The following RPS6KA5 variants were observed in gnomAD, a reference collection of about 807,000 sequenced individuals.
RPS6KA5 encodes the protein ribosomal protein S6 kinase alpha-5.
Under a neutral mutation model 85.5 loss-of-function variants are expected in RPS6KA5, and 27 were observed. The observed-to-expected ratio is 0.32, with a 90% CI of 0.23 to 0.44. The LOEUF (loss-of-function observed/expected upper bound fraction) is 0.44. Ranked by LOEUF, RPS6KA5 falls within the 20% of genes least tolerant of loss-of-function variation. The pLI is 1.00. For synonymous variants in RPS6KA5, 334 were observed against 348.2 expected (o/e 0.96, Z 0.46); for missense variants, 811 against 980.9 (o/e 0.83, Z 2.31).
At chr14:90,955,999 C>T (rs1489698269) in intron 3 of RPS6KA5, among the ~76,000 whole-genome samples, 2 of 152,030 alleles carry the variant, frequency 1.3e-5, no homozygotes, top group Admixed American at 6.6e-5. Flanking sequence ...TGTAACAATA[C>T]AACCATAGAA....
At chr14:91,011,170 A>T (rs1464486458) in intron 1 of RPS6KA5, among the ~76,000 whole-genome samples, 1 of 152,180 alleles carries the variant, frequency 6.6e-6, no homozygotes, top group Non-Finnish European at 1.5e-5. Context: ...AATGGACAAC[A>T]AAAGATAGAC....
intron 4 of RPS6KA5, among the ~76,000 whole-genome samples, chr14:90,945,234 A>G (rs140193765): frequency 3.3e-5 from 5 of 152,344 alleles, no homozygotes; most frequent in Middle Eastern, 3.4e-3. Flanking sequence ...CCTGGGCAAC[A>G]GAGTAAGACC....
At chr14:90,885,510 G>A (rs1461122469) in intron 14 of RPS6KA5, among the ~76,000 whole-genome samples, 5 of 111,558 alleles carry the variant, frequency 4.5e-5, no homozygotes, top group Non-Finnish European at 6.8e-5. Flanking sequence ...CCGAGATCCC[G>A]CCACTGCACT....
intron 1 of RPS6KA5, among the ~76,000 whole-genome samples, chr14:91,045,982 AG>A (rs1398637545): frequency 6.6e-6 from 1 of 152,160 alleles, no homozygotes; most frequent in Non-Finnish European, 1.5e-5. Flanking sequence ...TTCCTTTGAT[AG>A]AAAGGCTTTG....
chr14:91,058,312 G>A lies in RPS6KA5; in HGVS notation c.103+2020C>T, dbSNP rs140187786. 3.1e-3 allele frequency among the ~76,000 whole-genome samples: 467 copies of A among 152,270 alleles called. 3 individuals are homozygous for A. The highest frequency in any genetic ancestry group is 0.011 in the African/African-American group (449 of 41,552). On this transcript the variant is annotated intron_variant, in intron 1 of 16. Transcript: ENST00000614987. ...TCCATCAGAAAAATTTCTAAAATGC[G>A]AACTTGAAGCTGATGATTCACACAG...
chr14:91,044,669 C>T (rs1255849211), intron 1 of RPS6KA5, among the ~76,000 whole-genome samples: 2 of 151,884 alleles, frequency 1.3e-5, no homozygotes, highest in Non-Finnish European at 2.9e-5. Flanking sequence ...GTCAGCAGTT[C>T]GAACCAGCCT....
chr14:90,889,166 C>T (rs1291718321), intron 14 of RPS6KA5, among the ~76,000 whole-genome samples: 1 of 151,906 alleles, frequency 6.6e-6, no homozygotes, highest in Non-Finnish European at 1.5e-5. Context: ...TGTTGGTGCA[C>T]ACTTGTAATC....
At chr14:90,930,418 C>T (rs1328744570) in intron 5 of RPS6KA5, among the ~76,000 whole-genome samples, 1 of 152,006 alleles carries the variant, frequency 6.6e-6, no homozygotes, top group Non-Finnish European at 1.5e-5. Context: ...AAATGTAAGA[C>T]CTAGAACTGT....
chr14:91,044,315 G>A (rs552631389), intron 1 of RPS6KA5, among the ~76,000 whole-genome samples: 21 of 126,588 alleles, frequency 1.7e-4, no homozygotes, highest in Non-Finnish European at 2.8e-4. Flanking sequence ...AAGAGAGAGA[G>A]AGAAAGAGAG....
At chr14:90,989,686 A>G (rs1279671867) in intron 2 of RPS6KA5, among the ~76,000 whole-genome samples, 1 of 152,216 alleles carries the variant, frequency 6.6e-6, no homozygotes, top group Non-Finnish European at 1.5e-5. Flanking sequence ...AAATAAAAAT[A>G]TAATCATTAT....
At chr14:91,019,870 A>T (rs985343599) in intron 1 of RPS6KA5, among the ~76,000 whole-genome samples, 2 of 152,196 alleles carry the variant, frequency 1.3e-5, no homozygotes, top group African/African-American at 4.8e-5. Flanking sequence ...TTGTCTGAGA[A>T]ATGCATCATT....
intron 13 of RPS6KA5, among the ~76,000 whole-genome samples, chr14:90,891,477 T>C (rs2140197104): frequency 6.6e-6 from 1 of 152,272 alleles, no homozygotes; most frequent in South Asian, 2.1e-4. Context: ...CACAAATTAT[T>C]TTAATAAGTA....
chr14:90,884,156 C>A (rs1027747861), intron 14 of RPS6KA5, among the ~76,000 whole-genome samples: 1 of 152,164 alleles, frequency 6.6e-6, no homozygotes, highest in Non-Finnish European at 1.5e-5. Context: ...ATCACAGATG[C>A]TCTATATTTA....
chr14:90,894,771 G>C (rs1231511430), intron 12 of RPS6KA5, among the ~76,000 whole-genome samples, 188 bp from the exon 13 acceptor site: 1 of 152,086 alleles, frequency 6.6e-6, no homozygotes, highest in Non-Finnish European at 1.5e-5. Context: ...ATTCTATTTT[G>C]GTAATGGAAA....
chr14:90,911,416 T>C (rs138633218), intron 7 of RPS6KA5: 75 of 152,338 alleles, frequency 4.9e-4, no homozygotes, highest in African/African-American at 1.6e-3. Context: ...TTATTTCTAT[T>C]TGTCCTCCAT....
intron 1 of RPS6KA5, among the ~76,000 whole-genome samples, chr14:91,052,953 A>C (rs1181268080): frequency 1.3e-5 from 2 of 152,178 alleles, no homozygotes; most frequent in Admixed American, 6.5e-5. Context: ...TTATGGATAT[A>C]GATACAAATC....
chr14:90,884,832 T>C (rs1322370469), intron 14 of RPS6KA5, among the ~76,000 whole-genome samples: 1 of 152,230 alleles, frequency 6.6e-6, no homozygotes, highest in Non-Finnish European at 1.5e-5. Context: ...TTGGATATAT[T>C]CCTGAATTGG....
At chr14:90,881,706 G>A (rs562797648) in intron 14 of RPS6KA5, among the ~76,000 whole-genome samples, 1 of 152,064 alleles carries the variant, frequency 6.6e-6, no homozygotes, top group African/African-American at 2.4e-5. Flanking sequence ...TCACCATGTT[G>A]GCCAGGCTGG....
At chr14:90,947,687 T>G (rs1389787985) in intron 3 of RPS6KA5, 137 bp from the exon 4 acceptor site, 1 of 549,928 alleles carries the variant, frequency 1.8e-6, no homozygotes, top group Admixed American at 3.4e-5. Context: ...TACAGTATCA[T>G]GTAGATAGAG....
Sources: gnomAD v4.1 joint callset for allele counts (sites outside exome capture counted in the v4.1 genomes callset) on GRCh38, gnomAD v4.1.1 for gene constraint, MANE v1.5 for transcripts, NCBI Gene and HGNC (gene_info 2026-07-23, HGNC 2026-07-21) for gene names.